SLC12A2: variants seen among roughly 807,000 people sequenced by gnomAD.
SLC12A2 encodes solute carrier family 12 member 2, also known as Na-K-2Cl cotransporter 1.
Under a neutral mutation model 136.3 loss-of-function variants are expected in SLC12A2, and 67 were observed. That is an observed-to-expected ratio of 0.49 (90% CI 0.40 to 0.60). The LOEUF is 0.60. Among genes scored for constraint, SLC12A2 ranks in the 20% least tolerant of loss-of-function variants. The probability of loss-of-function intolerance (pLI) is 0.00; values close to 1 mark genes in which losing one functional copy is unlikely to be tolerated. For missense variants in SLC12A2, 1,322 were observed against 1,534.7 expected (o/e 0.86, Z 2.32); for synonymous variants, 619 against 562.9 (o/e 1.10, Z -1.41).
intron 11 of SLC12A2, 110 bp downstream of exon 11, chr5:128,147,839 A>G: frequency 7.0e-6 from 4 of 569,658 alleles, no homozygotes; most frequent in African/African-American, 1.9e-5. Flanking sequence ...CCATATATAC[A>G]TATATATGAT....
At chr5:128,117,436 A>G (rs1433778169) in intron 4 of SLC12A2, among the ~76,000 whole-genome samples, 1 of 152,194 alleles carries the variant, frequency 6.6e-6, no homozygotes, top group Non-Finnish European at 1.5e-5. Flanking sequence ...AAAATTGATA[A>G]ATAAATAGTG....
chr5:128,124,382 C>G (rs1402933921), intron 4 of SLC12A2, among the ~76,000 whole-genome samples: 1 of 152,212 alleles, frequency 6.6e-6, no homozygotes, highest in Non-Finnish European at 1.5e-5. Flanking sequence ...ACTCCCACTT[C>G]AAATGCCAGT....
chr5:128,114,113 G>C, intron 2 of SLC12A2, 99 bp from the exon 3 acceptor site: 2 of 837,724 alleles, frequency 2.4e-6, no homozygotes, highest in Non-Finnish European at 3.9e-6. Flanking sequence ...ATCTTCTGTA[G>C]TTTCAAATGC....
intron 21 of SLC12A2, 80 bp from the exon 22 acceptor site, chr5:128,178,487 A>G: frequency 1.9e-6 from 2 of 1,068,872 alleles, no homozygotes; most frequent in Non-Finnish European, 2.6e-6. Flanking sequence ...ATATACAAAC[A>G]TTAGGAAATG....
Position 128,121,035 on chromosome 5 carries a change from G to A in SLC12A2, c.1048+6354G>A, listed in dbSNP as rs987053848. 9.9e-5 allele frequency among the ~76,000 whole-genome samples: 15 copies of A among 152,042 alleles called. 1 individual carries two copies. The highest frequency in any genetic ancestry group is 2.7e-4 in the African/African-American group (11 of 41,396). ...AGCTTTGCGGAAGTGTGAATTCAGTGAATTTTCCCTAGTGTTATGTACATT... is the reference window on the plus strand; with the variant it reads ...AGCTTTGCGGAAGTGTGAATTCAGTAAATTTTCCCTAGTGTTATGTACATT... On this transcript the variant is annotated intron_variant, in intron 4 of 26. Transcript: ENST00000262461.
chr5:128,137,943 T>C (rs1414387602), intron 7 of SLC12A2, among the ~76,000 whole-genome samples: 1 of 151,686 alleles, frequency 6.6e-6, no homozygotes, highest in Non-Finnish European at 1.5e-5. Context: ...TTTTCCTTTT[T>C]TTTTTTTTTC....
rs1761373941 is a variant in SLC12A2, at chr5:128,116,950, A to AG, written c.1048+2271dup. Among the ~76,000 whole-genome samples the AG allele has an allele frequency of 2.0e-5, 3 of 152,206 alleles. No homozygotes were observed. In the South Asian group the frequency reaches 6.2e-4, roughly 31 times the overall value. On this transcript the variant is annotated intron_variant, in intron 4 of 26. Transcript: ENST00000262461. The stretch of plus-strand genomic sequence containing the variant: ...TTTCCACGTGGGAGAAACTAGATAC[A>AG]GGCATAAAACTGAGATCACATTACA...
chr5:128,172,053 A>T (rs1763392494), intron 19 of SLC12A2, among the ~76,000 whole-genome samples: 1 of 152,222 alleles, frequency 6.6e-6, no homozygotes, highest in South Asian at 2.1e-4. Context: ...TAAGTAAAAT[A>T]GCCTGAGGAA....
At chr5:128,167,620 T>A in intron 17 of SLC12A2, 141 bp from the exon 18 acceptor site, 1 of 512,114 alleles carries the variant, frequency 2.0e-6, no homozygotes, top group Non-Finnish European at 3.4e-6. Context: ...AATTTATAAG[T>A]AAATATGAAT....
chr5:128,164,386 C>G (rs550832880), intron 17 of SLC12A2, among the ~76,000 whole-genome samples: 21 of 152,250 alleles, frequency 1.4e-4, no homozygotes, highest in African/African-American at 5.1e-4. Context: ...ACAACTCTAT[C>G]AGTGTGGGGC....
intron 4 of SLC12A2, among the ~76,000 whole-genome samples, chr5:128,119,447 C>T (rs1047847449): frequency 6.6e-6 from 1 of 152,128 alleles, no homozygotes; most frequent in Non-Finnish European, 1.5e-5. Context: ...TGTGGCTATC[C>T]AGTTTTCCCA....
intron 1 of SLC12A2, among the ~76,000 whole-genome samples, chr5:128,101,605 T>C (rs751304611): frequency 1.3e-5 from 2 of 152,236 alleles, no homozygotes; most frequent in Non-Finnish European, 2.9e-5. Context: ...ATCCCCACTC[T>C]GCTGGCTGTC....
chr5:128,111,176 A>G (rs1561663052), intron 1 of SLC12A2, among the ~76,000 whole-genome samples: 1 of 152,226 alleles, frequency 6.6e-6, no homozygotes, highest in East Asian at 1.9e-4. Context: ...AGAATTTTAT[A>G]ATAAAACTAC....
At chr5:128,140,002 T>C (rs1357871115) in intron 9 of SLC12A2, among the ~76,000 whole-genome samples, 1 of 151,874 alleles carries the variant, frequency 6.6e-6, no homozygotes, top group Non-Finnish European at 1.5e-5. Context: ...TTTTTGTTTT[T>C]GTTTTTTGTT....
chr5:128,111,637 C>T (rs914317848), intron 1 of SLC12A2, among the ~76,000 whole-genome samples: 1 of 151,528 alleles, frequency 6.6e-6, no homozygotes, highest in Non-Finnish European at 1.5e-5. Context: ...TGGTGGTGGG[C>T]GCCTGTAGTC....
Position 128,180,830 on chromosome 5 carries a change from CTGAT to C in SLC12A2, c.3101-51_3101-48del, listed in dbSNP as rs2126757642. 2.9e-6 allele frequency: 3 copies of C among 1,036,832 alleles called. No homozygotes were observed. The South Asian group carries it at 4.0e-5, about 14-fold the overall frequency. 64.2% of individuals were successfully genotyped at this position (1,036,832 alleles called of 1,614,324 possible). A position where few individuals can be genotyped will look rare whatever the true frequency, so the allele number is the denominator to read the frequency against. On this transcript the variant is annotated intron_variant, in intron 22 of 26. Transcript: ENST00000262461. ...GTTTTTCGAGACTAAATTGATGTTC[CTGAT>C]TAAGAAATTTGCATTTAGTAAATGA...
At chr5:128,091,006 G>T (rs757345429) in intron 1 of SLC12A2, among the ~76,000 whole-genome samples, 2 of 151,964 alleles carry the variant, frequency 1.3e-5, no homozygotes, top group Non-Finnish European at 2.9e-5. Flanking sequence ...AAAATACCAC[G>T]CTGATTGTTG....
At chr5:128,146,644 A>G (rs931522523) in intron 10 of SLC12A2, among the ~76,000 whole-genome samples, 4 of 151,616 alleles carry the variant, frequency 2.6e-5, no homozygotes, top group African/African-American at 4.8e-5. Context: ...TCAGTTATCA[A>G]TGCATGGTTA....
chr5:128,104,744 T>A (rs984795166), intron 1 of SLC12A2, among the ~76,000 whole-genome samples: 2 of 152,062 alleles, frequency 1.3e-5, no homozygotes, highest in Non-Finnish European at 2.9e-5. Context: ...ATAGCAATTC[T>A]TCTTTAAAGG....
Sources: gnomAD v4.1 joint callset for allele counts (sites outside exome capture counted in the v4.1 genomes callset) on GRCh38, gnomAD v4.1.1 for gene constraint, MANE v1.5 for transcripts, NCBI Gene and HGNC (gene_info 2026-07-23, HGNC 2026-07-21) for gene names.